The following LRRTM4 variants were observed in gnomAD, a reference collection of about 807,000 sequenced individuals.
LRRTM4 encodes leucine rich repeat transmembrane neuronal 4.
In LRRTM4, 25 loss-of-function variants were observed where a neutral mutation model predicts 47.6. The ratio of observed to expected loss-of-function variants is 0.53; its 90% confidence interval spans 0.38 to 0.73. LRRTM4 has a LOEUF of 0.73. LRRTM4 is among the 30% of genes least tolerant of loss of function. The pLI is 0.00. For synonymous variants in LRRTM4, 311 were observed against 269.5 expected, an observed-to-expected ratio of 1.15 and a Z score of -1.51; for missense variants, 638 against 713.4, an observed-to-expected ratio of 0.89 and a Z score of 1.20.
intron 3 of LRRTM4, among the ~76,000 whole-genome samples, chr2:76,803,190 C>G (rs1004211281): frequency 2.6e-5 from 4 of 152,090 alleles, no homozygotes; most frequent in African/African-American, 9.7e-5. Flanking sequence ...TATTTGCAAA[C>G]CACTTATATC....
intron 3 of LRRTM4, among the ~76,000 whole-genome samples, chr2:76,930,317 G>A (rs1014993225): frequency 5.9e-5 from 9 of 152,188 alleles, no homozygotes; most frequent in Non-Finnish European, 1.2e-4. Flanking sequence ...ATGATGCTCA[G>A]GTGCGTGTGC....
intron 3 of LRRTM4, among the ~76,000 whole-genome samples, chr2:77,099,158 C>T (rs891675595): frequency 3.3e-5 from 5 of 151,846 alleles, no homozygotes; most frequent in South Asian, 2.1e-4. Flanking sequence ...ATGTTCACAA[C>T]GGTATGAATT....
chr2:76,854,299 G>T (rs1370632556), intron 3 of LRRTM4, among the ~76,000 whole-genome samples: 1 of 152,196 alleles, frequency 6.6e-6, no homozygotes, highest in South Asian at 2.1e-4. Context: ...CTTCTGGAAG[G>T]ATTTTGACTG....
Position 76,749,982 on chromosome 2 carries a change from C to CTT in LRRTM4, c.1552-1068_1552-1067dup, listed in dbSNP as rs138965377. Among the ~76,000 whole-genome samples the CTT allele has an allele frequency of 4.1e-3, 628 of 152,264 alleles. 7 individuals carry two copies. The highest frequency in any genetic ancestry group is 0.014 in the African/African-American group (570 of 41,540). ...AGCTCTAAGTTCCCTTCTGTGGTTG[C>CTT]TTTTAGGATGCTGAGGTTTGGACTT... is the stretch of plus-strand genomic sequence containing the variant. On this transcript the variant is annotated intron_variant, in intron 3 of 3. Coordinates refer to ENST00000409884, the MANE Select transcript of LRRTM4 (RefSeq NM_001134745.3).
At chr2:76,754,773 T>G (rs556787172) in intron 3 of LRRTM4, among the ~76,000 whole-genome samples, 1 of 152,272 alleles carries the variant, frequency 6.6e-6, no homozygotes, top group East Asian at 1.9e-4. Context: ...TGACATTATG[T>G]GAGTTCCAGG....
intron 3 of LRRTM4, among the ~76,000 whole-genome samples, chr2:76,847,223 A>T (rs982175259): frequency 4.6e-5 from 7 of 151,548 alleles, no homozygotes; most frequent in Non-Finnish European, 8.8e-5. Context: ...CCCACTCTCA[A>T]CATATTTGCA....
intron 3 of LRRTM4, among the ~76,000 whole-genome samples, chr2:76,947,040 G>A (rs1344774500): frequency 1.3e-5 from 2 of 151,688 alleles, no homozygotes; most frequent in Admixed American, 1.3e-4. Flanking sequence ...GTAGAGGGAA[G>A]GGTTTTAAAC....
chr2:77,189,323 G>A (rs902675337), intron 3 of LRRTM4, among the ~76,000 whole-genome samples: 1 of 152,064 alleles, frequency 6.6e-6, no homozygotes, highest in Non-Finnish European at 1.5e-5. Context: ...TGCATCCTCA[G>A]CAGTTCTTCA....
chr2:76,943,530 T>C (rs1675222048), intron 3 of LRRTM4, among the ~76,000 whole-genome samples: 1 of 152,246 alleles, frequency 6.6e-6, no homozygotes, highest in African/African-American at 2.4e-5. Flanking sequence ...GCAACAGTTA[T>C]TGTGCCATAA....
chr2:76,912,010 G>A (rs1573302838), intron 3 of LRRTM4, among the ~76,000 whole-genome samples: 1 of 148,010 alleles, frequency 6.8e-6, no homozygotes, highest in Admixed American at 6.9e-5. Context: ...CTCACTGCAA[G>A]CTCCGCCTTC....
At chr2:77,502,424 G>C (rs1226785677) in intron 3 of LRRTM4, among the ~76,000 whole-genome samples, 1 of 151,210 alleles carries the variant, frequency 6.6e-6, no homozygotes, top group Non-Finnish European at 1.5e-5. Context: ...ATACCGTAAA[G>C]TTAATCTATA....
Position 76,849,377 on chromosome 2 carries a change from A to G in LRRTM4, c.1552-100461T>C, listed in dbSNP as rs1671927008. Among the ~76,000 whole-genome samples the G allele has an allele frequency of 2.0e-5, 3 of 152,142 alleles. No homozygotes were observed. In the South Asian group the frequency reaches 6.2e-4, roughly 31 times the overall value. On this transcript the variant is annotated intron_variant, in intron 3 of 3. Coordinates refer to ENST00000409884, the MANE Select transcript of LRRTM4 (RefSeq NM_001134745.3). ...TGAAAAATGAAATTTCTCTGCTGCC[A>G]TGCAACATCTTTGTGCAAATGAACG...
At chr2:77,257,461 G>C (rs999487664) in intron 3 of LRRTM4, among the ~76,000 whole-genome samples, 2 of 151,808 alleles carry the variant, frequency 1.3e-5, no homozygotes, top group African/African-American at 4.8e-5. Flanking sequence ...CTCATAAAAG[G>C]GGAAATACAT....
At chr2:77,252,136 G>A (rs1212128975) in intron 3 of LRRTM4, among the ~76,000 whole-genome samples, 1 of 152,148 alleles carries the variant, frequency 6.6e-6, no homozygotes, top group Non-Finnish European at 1.5e-5. Context: ...CCAGAAATGT[G>A]TGAAGCAGAT....
chr2:77,042,749 T>C (rs1341492262), intron 3 of LRRTM4, among the ~76,000 whole-genome samples: 1 of 151,730 alleles, frequency 6.6e-6, no homozygotes, highest in Non-Finnish European at 1.5e-5. Context: ...ATCAAGAGCA[T>C]TTCCAGTGCT....
intron 3 of LRRTM4, among the ~76,000 whole-genome samples, chr2:76,947,251 T>C (rs1057392158): frequency 2.6e-5 from 4 of 151,914 alleles, no homozygotes; most frequent in African/African-American, 9.7e-5. Context: ...TACACTGATA[T>C]GTCCTGTGCC....
chr2:77,230,943 T>A (rs1674945506), intron 3 of LRRTM4, among the ~76,000 whole-genome samples: 1 of 152,174 alleles, frequency 6.6e-6, no homozygotes, highest in Non-Finnish European at 1.5e-5. Flanking sequence ...GATTTCTAAA[T>A]AAATACAAGT....
chr2:76,788,832 T>C (rs1307523139), intron 3 of LRRTM4, among the ~76,000 whole-genome samples: 1 of 151,850 alleles, frequency 6.6e-6, no homozygotes, highest in Non-Finnish European at 1.5e-5. Flanking sequence ...TATATTAAAA[T>C]CTGTGATAAT....
intron 3 of LRRTM4, among the ~76,000 whole-genome samples, chr2:77,440,559 C>T (rs1186207462): frequency 6.6e-6 from 1 of 152,102 alleles, no homozygotes; most frequent in Non-Finnish European, 1.5e-5. Context: ...GAACATAGAT[C>T]TTTTAGAATG....
Sources: allele counts gnomAD v4.1 joint callset (sites outside exome capture counted in the v4.1 genomes callset), GRCh38; gene constraint gnomAD v4.1.1; transcripts MANE v1.5; gene names NCBI Gene and HGNC (gene_info 2026-07-23, HGNC 2026-07-21).